The following TNS1 variants were observed in gnomAD, a reference collection of about 807,000 sequenced individuals.
The protein encoded by TNS1 is tensin-1.
A neutral mutation model predicts 168.6 loss-of-function variants in TNS1; 62 were observed. The ratio of observed to expected loss-of-function variants is 0.37; its 90% CI spans 0.30 to 0.45. The LOEUF is 0.45. TNS1 is among the 20% of genes least tolerant of loss of function. The probability of loss-of-function intolerance (pLI) is 1.00; values close to 1 mark genes in which losing one functional copy is unlikely to be tolerated. For synonymous variants in TNS1, 934 were observed against 933.2 expected (o/e 1.00, Z -0.02); for missense variants, 2,240 against 2,339.4 (o/e 0.96, Z 0.88).
chr2:217,898,748 C>G (rs906876219), intron 7 of TNS1, among the ~76,000 whole-genome samples: 3 of 152,234 alleles, frequency 2.0e-5, no homozygotes, highest in African/African-American at 4.8e-5. Flanking sequence ...ATGCGTTTCC[C>G]GGAGAGGTGG....
chr2:217,893,061 C>T, intron 10 of TNS1, 49 bp from the exon 11 acceptor site: 1 of 1,607,510 alleles, frequency 6.2e-7, no homozygotes, highest in Non-Finnish European at 8.5e-7. Context: ...GCCAGCCTTG[C>T]TGCCCCAGAG....
At chr2:217,839,433 C>A (rs1236044542) in intron 19 of TNS1, among the ~76,000 whole-genome samples, 1 of 152,106 alleles carries the variant, frequency 6.6e-6, no homozygotes, top group Non-Finnish European at 1.5e-5. Flanking sequence ...GGCACCAGAG[C>A]AGCCCCCTTC....
intron 18 of TNS1, among the ~76,000 whole-genome samples, chr2:217,871,535 C>T (rs1272752625): frequency 2.0e-5 from 3 of 152,246 alleles, no homozygotes; most frequent in Admixed American, 6.5e-5. Context: ...ATCCTGTACT[C>T]CCCTCTCTTG....
intron 3 of TNS1, among the ~76,000 whole-genome samples, chr2:217,946,374 CCT>C (rs1957105656): frequency 6.6e-6 from 1 of 152,162 alleles, no homozygotes; most frequent in African/African-American, 2.4e-5. Context: ...CTTCCCCTTT[CCT>C]CATTTGGTCA....
rs146464519 is a variant in TNS1 at position 217,848,243 on chromosome 2, C to A, written c.2274G>T (p.Pro758=). 4.5e-6 allele frequency: 7 copies of A among 1,569,098 alleles called. No homozygotes were observed. The African/African-American group carries it at 8.1e-5, about 18-fold the overall frequency. The change falls in exon 19 of 33, where the codon CCG becomes CCT. Residue 758 remains proline, a synonymous_variant. Transcript: ENST00000682258. Reference sequence around the variant, plus strand: ...CCTCCCGGCTGCTTCCCCCTCGGACCGGAGCTGGGGGCAGCTGGGGTTCAG... The same window carrying A: ...CCTCCCGGCTGCTTCCCCCTCGGACAGGAGCTGGGGGCAGCTGGGGTTCAG... ...SEAEPQLPPA[P]VRGGSSREAV...
At position 217,818,122 on chromosome 2, in the gene TNS1, G is replaced by T; in HGVS notation, c.4210C>A (p.Leu1404Met). Reference protein sequence around the residue: ...NAIASPGSPSLGRHLGGSGSV... With the variant: ...NAIASPGSPSMGRHLGGSGSV... The stretch of plus-strand genomic sequence containing the variant: ...CCAGACCCTCCGAGGTGACGGCCCA[G>T]GCTGGGGCTTCCAGGGCTGGCTATT... The change falls in exon 24 of 33, where the codon CTG (leucine) becomes ATG (methionine). Residue 1404 changes from leucine (L) to methionine (M), a missense_variant. Leu to Met is a conservative substitution (Grantham distance 15). This residue lies in a region of TNS1 where 2,131 missense variants were observed against 2,171.2 expected (regional missense o/e 0.98). Coordinates refer to ENST00000682258, the MANE Select transcript of TNS1 (RefSeq NM_001387777.1). The T allele has an allele frequency of 6.2e-7, 1 of 1,614,024 alleles. No individual in the cohort carries two copies. The highest frequency in any genetic ancestry group is 8.5e-7 in the Non-Finnish European group (1 of 1,179,986).
intron 3 of TNS1, among the ~76,000 whole-genome samples, chr2:217,954,222 T>C (rs534229934): frequency 3.0e-4 from 45 of 152,330 alleles, no homozygotes; most frequent in African/African-American, 9.9e-4. Context: ...GGCTCTATTC[T>C]GGCTCCCTGG....
chr2:218,023,510 A>C (rs975631324), intron 1 of TNS1, among the ~76,000 whole-genome samples: 1 of 152,098 alleles, frequency 6.6e-6, no homozygotes, highest in African/African-American at 2.4e-5. Flanking sequence ...TTCCCGGCCC[A>C]CCTGTCTCCT....
intron 1 of TNS1, among the ~76,000 whole-genome samples, chr2:218,031,253 AGT>A (rs1958894775): frequency 9.4e-6 from 1 of 106,250 alleles, no homozygotes; most frequent in Admixed American, 9.2e-5. Flanking sequence ...TCTGTGTGTG[AGT>A]GTATGAGTGT....
At chr2:217,890,844 C>T (rs1032387851) in intron 12 of TNS1, 118 bp downstream of exon 12, 14 of 1,094,890 alleles carry the variant, frequency 1.3e-5, no homozygotes, top group South Asian at 2.8e-5. Flanking sequence ...TGAAAACTTG[C>T]GCCTGGTACA....
upstream of TNS1, among the ~76,000 whole-genome samples, chr2:218,006,584 T>C (rs1287000656): frequency 6.6e-6 from 1 of 152,106 alleles, no homozygotes; most frequent in Non-Finnish European, 1.5e-5. Context: ...GGGGTCACGG[T>C]AACAGCCTTT....
chr2:217,801,537 C>G lies in TNS1; in HGVS notation c.*2922G>C, dbSNP rs1207211224. Reference sequence around the variant, plus strand: ...AGCCCATGTTCAAGGCCAGACAGCGCTCTCCTGGCTGACACACAGATTCAA... The same window carrying G: ...AGCCCATGTTCAAGGCCAGACAGCGGTCTCCTGGCTGACACACAGATTCAA... On this transcript the variant is annotated 3_prime_UTR_variant, in exon 33 of 33. Transcript: ENST00000682258. 6.6e-6 allele frequency: 1 copy of G among 152,268 alleles called. No individual in the cohort carries two copies. Among genetic ancestry groups the G allele is most frequent in the African/African-American group, 2.4e-5 (1 of 41,460 alleles). 9.4% of individuals were successfully genotyped at this position (152,268 alleles called of 1,614,324 possible).
chr2:217,975,640 C>T (rs1433396628), intron 3 of TNS1, among the ~76,000 whole-genome samples: 2 of 152,200 alleles, frequency 1.3e-5, no homozygotes. Flanking sequence ...AAATTTCTCG[C>T]ATACCTCGTC....
chr2:217,842,069 A>T, intron 19 of TNS1: 1 of 702,916 alleles, frequency 1.4e-6, no homozygotes. Context: ...CTCCTTCACA[A>T]GCTGCTCCAT....
chr2:217,809,924 T>A lies in TNS1; in HGVS notation c.5172A>T (p.Lys1724Asn), dbSNP rs1334007478. 2 of 1,613,420 alleles carry A rather than the reference T, an allele frequency of 1.2e-6. No individual in the cohort carries two copies. Among genetic ancestry groups the A allele is most frequent in the Non-Finnish European group, 1.7e-6 (2 of 1,179,658 alleles). ...ESLTGPQAISKATSETLAADP... is the reference protein window; with the variant it reads ...ESLTGPQAISNATSETLAADP... ...CTGCAGCCAACGTCTCAGATGTGGC[T>A]TTAGAGATGGCCTGTGGCCCAGTGA... Residue 1724 changes from lysine to asparagine, a missense_variant, in exon 30 of 33, where the codon AAA becomes AAT. Lys to Asn is a moderately conservative substitution (Grantham distance 94). Around this residue, in one of 2 missense-constraint regions of TNS1, gnomAD observed 109 missense variants for 168.1 expected, o/e 0.65. Transcript: ENST00000682258.
chr2:217,938,521 T>C (rs1348514930), intron 3 of TNS1, among the ~76,000 whole-genome samples: 2 of 152,188 alleles, frequency 1.3e-5, no homozygotes, highest in African/African-American at 4.8e-5. Context: ...GGAATGCCAG[T>C]TAGATTTTGG....
rs189186903 is a variant in TNS1 at position 217,967,637 on chromosome 2, C to T, written c.186+11128G>A. 3.9e-5 allele frequency among the ~76,000 whole-genome samples: 6 copies of T among 152,174 alleles called. No homozygotes were observed. In the East Asian group the frequency reaches 1.2e-3, roughly 29 times the overall value. On this transcript the variant is annotated intron_variant, in intron 3 of 32. Transcript: ENST00000682258. The stretch of plus-strand genomic sequence containing the variant: ...AGAAGAAATTAGAAATCTGAATAGA[C>T]CTATAATAAATAAAGAAATTGAACT...
intron 18 of TNS1, among the ~76,000 whole-genome samples, chr2:217,863,322 G>T (rs1192667000): frequency 1.3e-5 from 2 of 152,170 alleles, no homozygotes; most frequent in African/African-American, 4.8e-5. Context: ...GGGCCCCCCA[G>T]GGAATGTGTG....
rs777274496 is a variant in TNS1 at position 217,893,465 on chromosome 2, G to T, written c.691C>A (p.His231Asn). 6.2e-7 allele frequency: 1 copy of T among 1,610,470 alleles called. No individual in the cohort carries two copies. Among genetic ancestry groups the T allele is most frequent in the Non-Finnish European group, 8.5e-7 (1 of 1,177,470 alleles). ...AMDTWLNADP[H>N]NVVVLHNKGN... ...TTGTTGTGTAGAACAACGACATTGT[G>T]AGGGTCTGCATTGAGCCATGTGTCC... The change falls in exon 10 of 33, where the codon CAC (histidine) becomes AAC (asparagine). Residue 231 changes from histidine (H) to asparagine (N), a missense_variant. His to Asn is a moderately conservative substitution (Grantham distance 68). This residue lies in a region of TNS1 where 2,131 missense variants were observed against 2,171.2 expected (regional missense o/e 0.98). Coordinates refer to ENST00000682258, the MANE Select transcript of TNS1 (RefSeq NM_001387777.1).
Sources: allele counts gnomAD v4.1 joint callset (sites outside exome capture counted in the v4.1 genomes callset), GRCh38; gene constraint gnomAD v4.1.1; regional missense constraint gnomAD v4.1.1; transcripts MANE v1.5; gene names NCBI Gene and HGNC (gene_info 2026-07-23, HGNC 2026-07-21).